The following ARHGAP39 variants were observed in gnomAD, a reference collection of about 807,000 sequenced individuals.
The protein encoded by ARHGAP39 is rho GTPase-activating protein 39.
ARHGAP39 carries 44 observed loss-of-function variants against 106.9 expected under a neutral mutation model. The observed-to-expected ratio is 0.41, with a 90% CI of 0.32 to 0.53. The LOEUF (loss-of-function observed/expected upper bound fraction) is 0.53. Among genes scored for constraint, ARHGAP39 ranks in the 20% least tolerant of loss-of-function variants. ARHGAP39 has a pLI of 0.21. For missense variants in ARHGAP39, 1,496 were observed against 1,577.3 expected (o/e 0.95, Z 0.87); for synonymous variants, 768 against 693.2 (o/e 1.11, Z -1.69).
chr8:144,651,827 C>T (rs1821581499), intron 1 of ARHGAP39, among the ~76,000 whole-genome samples: 1 of 152,114 alleles, frequency 6.6e-6, no homozygotes, highest in Admixed American at 6.6e-5. Flanking sequence ...AATTATACTA[C>T]AGTGCTACAG....
chr8:144,687,008 TCCC>T (rs1340032508), upstream of ARHGAP39, among the ~76,000 whole-genome samples: 6 of 91,430 alleles, frequency 6.6e-5, no homozygotes, highest in South Asian at 3.7e-4. Context: ...GGCGACCATT[TCCC>T]ACCCCCGTGA....
At chr8:144,553,383 G>A (rs771579311) in intron 4 of ARHGAP39, among the ~76,000 whole-genome samples, 2 of 152,176 alleles carry the variant, frequency 1.3e-5, no homozygotes, top group South Asian at 2.1e-4. Context: ...CAACTCTGGC[G>A]AGCGTGAGTC....
rs754216865 is a variant in ARHGAP39, at chr8:144,548,992, C to G, written c.597-503G>C. ...GAGCTCCAGAAAGACTGACTGTCCT[C>G]CTCTGACCCTGCCCCAGTCACCACG... On this transcript the variant is annotated intron_variant, in intron 4 of 11. Coordinates refer to ENST00000377307, the MANE Select transcript of ARHGAP39 (RefSeq NM_025251.3). The surrounding 1 kb of genome is among the most constrained non-coding windows in gnomAD (Gnocchi z 7.4). 6.6e-6 allele frequency among the ~76,000 whole-genome samples: 1 copy of G among 152,208 alleles called. No individual in the cohort carries two copies. Among genetic ancestry groups the G allele is most frequent in the Non-Finnish European group, 1.5e-5 (1 of 68,028 alleles).
At chr8:144,536,561 T>G (rs1278938933) in intron 7 of ARHGAP39, among the ~76,000 whole-genome samples, 1 of 152,146 alleles carries the variant, frequency 6.6e-6, no homozygotes, top group Non-Finnish European at 1.5e-5. Flanking sequence ...CTGCCCCAGA[T>G]GGAGTGGTCT....
chr8:144,563,441 T>C (rs1818278076), intron 3 of ARHGAP39, among the ~76,000 whole-genome samples: 1 of 152,094 alleles, frequency 6.6e-6, no homozygotes, highest in Non-Finnish European at 1.5e-5. Context: ...GGGCCAAGAC[T>C]AAAAGTCTCT....
chr8:144,626,565 G>A (rs974558868), intron 1 of ARHGAP39, among the ~76,000 whole-genome samples: 2 of 139,094 alleles, frequency 1.4e-5, no homozygotes, highest in South Asian at 2.4e-4. Context: ...CGTTCACGGA[G>A]CACCCACTGC....
chr8:144,566,381 TG>T (rs1355193903), intron 3 of ARHGAP39, among the ~76,000 whole-genome samples: 1 of 151,954 alleles, frequency 6.6e-6, no homozygotes, highest in African/African-American at 2.4e-5. Context: ...CTGGGCAACA[TG>T]GTAAAACCCC....
chr8:144,623,194 T>C (rs1820847638), intron 1 of ARHGAP39, among the ~76,000 whole-genome samples: 1 of 152,122 alleles, frequency 6.6e-6, no homozygotes, highest in Non-Finnish European at 1.5e-5. Flanking sequence ...AGGCAACCAC[T>C]ATGAAGCCAA....
intron 3 of ARHGAP39, among the ~76,000 whole-genome samples, chr8:144,578,297 C>T (rs998269248): frequency 5.9e-5 from 9 of 152,064 alleles, no homozygotes. Context: ...GGTGCGATCT[C>T]GGCTCACTGC....
chr8:144,611,338 C>A (rs184752715), intron 1 of ARHGAP39, among the ~76,000 whole-genome samples: 1 of 152,168 alleles, frequency 6.6e-6, no homozygotes, highest in Non-Finnish European at 1.5e-5. Context: ...TGGAAAAGAA[C>A]GTGCTGCCGG....
At position 144,548,604 on chromosome 8, in the gene ARHGAP39, C is replaced by T; in HGVS notation, c.597-115G>A. The T allele has an allele frequency of 7.3e-7, 1 of 1,364,964 alleles. No homozygotes were observed. Among genetic ancestry groups the T allele is most frequent in the Admixed American group, 2.6e-5 (1 of 38,038 alleles). 84.6% of individuals were successfully genotyped at this position (1,364,964 alleles called of 1,614,324 possible). ...CGCGAACCCTCTGTTGTACACCTTC[C>T]TCGCTGGGGCCCTGTGGCCTGGCGC... On this transcript the variant is annotated intron_variant, in intron 4 of 11. Coordinates refer to ENST00000377307, the MANE Select transcript of ARHGAP39 (RefSeq NM_025251.3). This position sits in a 1 kb window ranked among gnomAD's most constrained non-coding sequence, Gnocchi z 7.4.
At chr8:144,615,775 C>G (rs1187950378) in intron 1 of ARHGAP39, among the ~76,000 whole-genome samples, 1 of 152,246 alleles carries the variant, frequency 6.6e-6, no homozygotes, top group African/African-American at 2.4e-5. Flanking sequence ...CGGCTGTGAG[C>G]TGGAGACACA....
chr8:144,597,101 A>G (rs1049214559), intron 2 of ARHGAP39, among the ~76,000 whole-genome samples: 20 of 152,160 alleles, frequency 1.3e-4, no homozygotes, highest in Non-Finnish European at 1.2e-4. Context: ...GCCCAAGGAG[A>G]CAGAGGAGGG....
At chr8:144,698,444 C>T in the ARHGAP39 span, among the ~76,000 whole-genome samples, 2 of 152,178 alleles carry the variant, frequency 1.3e-5, no homozygotes, top group African/African-American at 4.8e-5. Context: ...AGACAGAAGG[C>T]TTCGTAAAGT....
chr8:144,661,449 C>T (rs966906672), intron 1 of ARHGAP39, among the ~76,000 whole-genome samples: 1 of 152,190 alleles, frequency 6.6e-6, no homozygotes, highest in African/African-American at 2.4e-5. Flanking sequence ...CCCATGCTTA[C>T]CTGGCAAACA....
the ARHGAP39 span, among the ~76,000 whole-genome samples, chr8:144,692,704 T>C: frequency 1.4e-5 from 2 of 145,302 alleles, no homozygotes; most frequent in African/African-American, 2.5e-5. Context: ...AGCTAAACCA[T>C]CATAAAAACA....
chr8:144,603,168 C>T (rs1405704499), intron 2 of ARHGAP39, among the ~76,000 whole-genome samples: 13 of 104,234 alleles, frequency 1.2e-4, no homozygotes, highest in African/African-American at 2.6e-4. Context: ...GGTGTGTGTG[C>T]GAGCTCATGT....
chr8:144,584,316 A>C (rs897253621), intron 2 of ARHGAP39: 2 of 152,072 alleles, frequency 1.3e-5, no homozygotes, highest in African/African-American at 4.8e-5. Context: ...GGTGCACTTC[A>C]GTTGCTTTTC....
chr8:144,650,368 T>C (rs1248884840), intron 1 of ARHGAP39, among the ~76,000 whole-genome samples: 1 of 152,004 alleles, frequency 6.6e-6, no homozygotes, highest in Non-Finnish European at 1.5e-5. Context: ...TCCAAAAAAT[T>C]GAGGAGGAGG....
Sources: gnomAD v4.1 joint callset for allele counts (sites outside exome capture counted in the v4.1 genomes callset) on GRCh38, gnomAD v4.1.1 for gene constraint, Gnocchi (gnomAD v3.1) non-coding constraint, MANE v1.5 for transcripts, NCBI Gene and HGNC (gene_info 2026-07-23, HGNC 2026-07-21) for gene names.